UIMC1: variants seen among roughly 807,000 people sequenced by gnomAD.
The protein encoded by UIMC1 is BRCA1-A complex subunit RAP80.
UIMC1 carries 42 observed loss-of-function variants against 84.9 expected under a neutral mutation model. That is an observed-to-expected ratio of 0.49 (90% CI 0.39 to 0.64). The LOEUF is 0.64. UIMC1 is among the 30% of genes least tolerant of loss of function. The pLI is 0.00. For missense variants in UIMC1, 825 were observed against 847.6 expected (o/e 0.97, Z 0.33); for synonymous variants, 281 against 293.0 (o/e 0.96, Z 0.42).
intron 9 of UIMC1, among the ~76,000 whole-genome samples, chr5:176,949,233 C>T (rs1765534839): frequency 6.6e-6 from 1 of 152,068 alleles, no homozygotes; most frequent in East Asian, 1.9e-4. Flanking sequence ...ATGCAAACTT[C>T]TAAGACTGTT....
intron 3 of UIMC1, among the ~76,000 whole-genome samples, chr5:176,973,844 A>T (rs1769641415): frequency 6.6e-6 from 1 of 152,124 alleles, no homozygotes; most frequent in Non-Finnish European, 1.5e-5. Context: ...CAGAGGTTGT[A>T]GTGAGCCACT....
intron 10 of UIMC1, among the ~76,000 whole-genome samples, chr5:176,922,882 C>T (rs1581389334): frequency 6.6e-6 from 1 of 152,210 alleles, no homozygotes; most frequent in Non-Finnish European, 1.5e-5. Context: ...CTTAAGAGAA[C>T]AGGCTTATCT....
intron 2 of UIMC1, among the ~76,000 whole-genome samples, chr5:176,981,538 C>T (rs1771056014): frequency 6.6e-6 from 1 of 152,106 alleles, no homozygotes; most frequent in African/African-American, 2.4e-5. Context: ...CAGTGGTTCA[C>T]ATCTGTAACC....
Position 176,982,634 on chromosome 5 carries a change from AG to A in UIMC1, c.-8-12del, listed in dbSNP as rs1561879146. On this transcript the variant is annotated splice_polypyrimidine_tract_variant and intron_variant, in intron 1 of 14. Transcript: ENST00000511320. ...GTGGCATCCTTTTGTCTAGAATAAAAGGACAATAATTTTGTCTAGAATAAAA... is the reference window on the plus strand; with the variant it reads ...GTGGCATCCTTTTGTCTAGAATAAAAGACAATAATTTTGTCTAGAATAAAA... The A allele has an allele frequency of 6.2e-7, 1 of 1,604,988 alleles. No individual in the cohort carries two copies. Among genetic ancestry groups the A allele is most frequent in the Non-Finnish European group, 8.5e-7 (1 of 1,177,792 alleles).
At chr5:177,003,595 G>A (rs1376771146) in intron 1 of UIMC1, among the ~76,000 whole-genome samples, 1 of 152,184 alleles carries the variant, frequency 6.6e-6, no homozygotes, top group Non-Finnish European at 1.5e-5. Flanking sequence ...AGAGATTGCA[G>A]TGAGCCAAGA....
chr5:176,905,407 C>T lies in UIMC1; in HGVS notation c.2035G>A (p.Val679Ile), dbSNP rs978118983. ...TCTGAAATGGAAACAAAAGACTTGA[C>T]GGGAGATTCATTTAAGTCACGACGT... ...FTRRDLNESP[V>I]KSFVSISEAT... The change falls in exon 15 of 15, where the codon GTC becomes ATC. Residue 679 changes from valine to isoleucine, a missense_variant. Physicochemically the swap from Val to Ile is conservative, Grantham distance 29. Coordinates refer to ENST00000511320, the MANE Select transcript of UIMC1 (RefSeq NM_001199298.2). 9.3e-6 allele frequency: 15 copies of T among 1,613,958 alleles called. No homozygotes were observed. Among genetic ancestry groups the T allele is most frequent in the Middle Eastern group, 3.3e-4 (2 of 6,084 alleles).
chr5:176,917,508 G>A (rs1044169862), intron 10 of UIMC1, among the ~76,000 whole-genome samples: 11 of 152,156 alleles, frequency 7.2e-5, no homozygotes, highest in Non-Finnish European at 1.6e-4. Flanking sequence ...GGAGACGGAG[G>A]TTGCAGTGAG....
intron 10 of UIMC1, among the ~76,000 whole-genome samples, chr5:176,939,298 A>T (rs1245299196): frequency 6.6e-6 from 1 of 151,782 alleles, no homozygotes; most frequent in Non-Finnish European, 1.5e-5. Context: ...GCTCCAAAAT[A>T]TCTGGATGAA....
intron 9 of UIMC1, among the ~76,000 whole-genome samples, chr5:176,950,039 G>C (rs892960682): frequency 1.3e-5 from 2 of 148,616 alleles, no homozygotes; most frequent in East Asian, 4.0e-4. Context: ...TGGCAGACAA[G>C]AGCAAGACTT....
chr5:176,975,613 T>C (rs1443249595), intron 2 of UIMC1, 133 bp from the exon 3 acceptor site: 1 of 774,654 alleles, frequency 1.3e-6, no homozygotes. Flanking sequence ...CATAAAACAT[T>C]AGAAGATCCT....
Position 176,982,516 on chromosome 5 carries a change from G to A in UIMC1, c.100C>T (p.Arg34Cys), listed in dbSNP as rs200417726. The change falls in exon 2 of 15, where the codon CGT becomes TGT. Residue 34 changes from arginine (R) to cysteine (C), a missense_variant. Coordinates refer to ENST00000511320, the MANE Select transcript of UIMC1 (RefSeq NM_001199298.2). ...TTSSVSVKRKRRLEDAFIVIS... is the reference protein window; with the variant it reads ...TTSSVSVKRKCRLEDAFIVIS... ...ACAATGAATGCATCCTCAAGTCTAC[G>A]CTTCCTCTTCACACTGACAGAACTG... 165 of 1,613,868 alleles carry A rather than the reference G, an allele frequency of 1.0e-4. No homozygotes were observed. The highest frequency in any genetic ancestry group is 1.3e-4 in the Non-Finnish European group (152 of 1,180,002).
At chr5:176,922,574 T>C (rs1471839431) in intron 10 of UIMC1, among the ~76,000 whole-genome samples, 3 of 152,244 alleles carry the variant, frequency 2.0e-5, no homozygotes, top group African/African-American at 7.2e-5. Flanking sequence ...TCTTTCAGTC[T>C]TTATTTTGAA....
At chr5:177,007,466 A>G (rs1359487585), upstream of UIMC1, among the ~76,000 whole-genome samples, 1 of 152,214 alleles carries the variant, frequency 6.6e-6, no homozygotes, top group Non-Finnish European at 1.5e-5. Context: ...GAAATGTCCA[A>G]TAAGTCTCGC....
intron 1 of UIMC1, among the ~76,000 whole-genome samples, chr5:176,986,070 A>ATT (rs773605934): frequency 3.4e-5 from 5 of 145,494 alleles, no homozygotes; most frequent in Admixed American, 1.4e-4. Flanking sequence ...TATGCAACGT[A>ATT]TTTTTTTTTT....
Position 176,955,983 on chromosome 5 carries a change from C to A in UIMC1, c.1315G>T (p.Ala439Ser), listed in dbSNP as rs1181476369. Reference protein sequence around the residue: ...RSLVLMPESSAEEITVCPETQ... With the variant: ...RSLVLMPESSSEEITVCPETQ... ...CCAGGACAAACAGTGATTTCTTCTG[C>A]AGAACTCTCTGGCATAAGGACTAAG... The change falls in exon 8 of 15, where the codon GCA becomes TCA. Residue 439 changes from alanine to serine, a missense_variant. Transcript: ENST00000511320. The A allele has an allele frequency of 6.2e-7, 1 of 1,613,488 alleles. No homozygotes were observed. Among genetic ancestry groups the A allele is most frequent in the East Asian group, 2.2e-5 (1 of 44,834 alleles).
chr5:176,989,023 C>T (rs1312064820), intron 1 of UIMC1, among the ~76,000 whole-genome samples: 1 of 151,926 alleles, frequency 6.6e-6, no homozygotes, highest in Non-Finnish European at 1.5e-5. Flanking sequence ...AGGGGAGCCC[C>T]GGATGATTTT....
intron 9 of UIMC1, among the ~76,000 whole-genome samples, chr5:176,945,209 G>A (rs1764925319): frequency 6.6e-6 from 1 of 152,160 alleles, no homozygotes; most frequent in Admixed American, 6.5e-5. Context: ...AGTCAAGTGG[G>A]TCTGGAAGTT....
intron 3 of UIMC1, among the ~76,000 whole-genome samples, chr5:176,973,777 C>T (rs939994919): frequency 6.6e-6 from 1 of 151,976 alleles, no homozygotes; most frequent in African/African-American, 2.4e-5. Flanking sequence ...GTGGTATACA[C>T]CTGTGGTCCT....
At chr5:176,944,571 T>C (rs1764849662) in intron 9 of UIMC1, among the ~76,000 whole-genome samples, 1 of 152,224 alleles carries the variant, frequency 6.6e-6, no homozygotes, top group Non-Finnish European at 1.5e-5. Context: ...CGGGCTGTCA[T>C]TACACCTTAC....
Sources: allele counts gnomAD v4.1 joint callset (sites outside exome capture counted in the v4.1 genomes callset), GRCh38; gene constraint gnomAD v4.1.1; transcripts MANE v1.5; gene names NCBI Gene and HGNC (gene_info 2026-07-23, HGNC 2026-07-21).